The following COL6A5 variants were observed in gnomAD, a reference collection of about 807,000 sequenced individuals.
The protein encoded by COL6A5 is collagen alpha-5(VI) chain.
COL6A5 carries 48 observed loss-of-function variants against 65.6 expected under a neutral mutation model. That is an observed-to-expected ratio of 0.73 (90% confidence interval 0.58 to 0.93). The LOEUF (loss-of-function observed/expected upper bound fraction) is 0.93, where lower values mean the gene tolerates loss of function less well. COL6A5 is among the 40% of genes least tolerant of loss of function. The pLI, the probability that COL6A5 is intolerant of heterozygous loss-of-function variation, is 0.00. For synonymous variants in COL6A5, 291 were observed against 322.8 expected, an observed-to-expected ratio of 0.90 and a Z score of 1.05; for missense variants, 914 against 928.3, an observed-to-expected ratio of 0.98 and a Z score of 0.20.
chr3:130,439,394 G>T, intron 1 of COL6A5, 128 bp from the exon 34 acceptor site: 2 of 583,148 alleles, frequency 3.4e-6, no homozygotes, highest in East Asian at 3.2e-5. Flanking sequence ...TGCACTGAAT[G>T]GAGCAAAGAG....
In COL6A5 at chr3:130,367,288, G is replaced by A. The variant is rs187168644; in HGVS notation, c.-28-6323G>A. The stretch of plus-strand genomic sequence containing the variant: ...AACTTGAGAAACAGTTTCCTTCTGC[G>A]GATGTGCTGTGTAATCCAGTTGTAG... On this transcript the variant is annotated intron_variant and NMD_transcript_variant, in intron 1 of 41. Coordinates refer to the COL6A5 transcript ENST00000312481. Among the ~76,000 whole-genome samples, 15 of 152,254 alleles carry A rather than the reference G, an allele frequency of 9.9e-5. No homozygotes were observed. The East Asian group carries it at 2.9e-3, about 29-fold the overall frequency.
chr3:130,444,344 A>C (rs1203137388), intron 4 of COL6A5, among the ~76,000 whole-genome samples: 1 of 152,078 alleles, frequency 6.6e-6, no homozygotes, highest in East Asian at 1.9e-4. Context: ...AAAGACAGGC[A>C]TAGGAAATCA....
chr3:130,395,553 C>A, intron 8 of COL6A5, 88 bp downstream of exon 8: 2 of 962,552 alleles, frequency 2.1e-6, no homozygotes, highest in Non-Finnish European at 3.1e-6. Context: ...TCTAGCAGAG[C>A]ATATATTTAG....
exon 1 of COL6A5, chr3:130,431,540 A>G: frequency 6.4e-7 from 1 of 1,551,630 alleles, no homozygotes; most frequent in South Asian, 1.2e-5. Context: ...GAGAGCTTTA[A>G]TAAAACACGG....
At chr3:130,350,271 A>C (rs1392041853) in intron 1 of COL6A5, among the ~76,000 whole-genome samples, 1 of 152,192 alleles carries the variant, frequency 6.6e-6, no homozygotes, top group Non-Finnish European at 1.5e-5. Flanking sequence ...ACCCTCTCTC[A>C]CCACTCCTAT....
intron 1 of COL6A5, among the ~76,000 whole-genome samples, chr3:130,364,810 C>T (rs994745523): frequency 1.3e-5 from 2 of 152,274 alleles, no homozygotes; most frequent in East Asian, 1.9e-4. Context: ...TTGGATATCC[C>T]AGCAGGTCTG....
intron 1 of COL6A5, among the ~76,000 whole-genome samples, chr3:130,357,417 T>A (rs531995801): frequency 6.6e-6 from 1 of 152,306 alleles, no homozygotes; most frequent in African/African-American, 2.4e-5. Context: ...TCACTTAAAA[T>A]GTTTAGAACA....
chr3:130,475,116 C>A (rs190216883), intron 7 of COL6A5, among the ~76,000 whole-genome samples: 3 of 148,100 alleles, frequency 2.0e-5, no homozygotes, highest in East Asian at 2.0e-4. Context: ...GAAAAGATTG[C>A]GAAAAAGGCG....
chr3:130,457,508 A>C (rs956460482), intron 5 of COL6A5, among the ~76,000 whole-genome samples: 2 of 152,068 alleles, frequency 1.3e-5, no homozygotes, highest in Non-Finnish European at 1.5e-5. Flanking sequence ...CATTTGGCTG[A>C]AGAAATAATT....
exon 3 of COL6A5, chr3:130,376,818 G>T: frequency 1.2e-6 from 2 of 1,612,028 alleles, no homozygotes; most frequent in Non-Finnish European, 1.7e-6. Flanking sequence ...GGAGGGAGCC[G>T]TCGATGCTGA....
chr3:130,350,658 A>G (rs1934668976), intron 1 of COL6A5, among the ~76,000 whole-genome samples: 1 of 152,242 alleles, frequency 6.6e-6, no homozygotes, highest in South Asian at 2.1e-4. Flanking sequence ...ACAAAATAAA[A>G]GAGAACACAA....
intron 1 of COL6A5, among the ~76,000 whole-genome samples, chr3:130,437,747 T>G (rs1709066938): frequency 6.6e-6 from 1 of 152,232 alleles, no homozygotes; most frequent in African/African-American, 2.4e-5. Flanking sequence ...AGCTTTCACC[T>G]GGCTATTTCC....
intron 1 of COL6A5, among the ~76,000 whole-genome samples, chr3:130,435,231 TC>T (rs1471052184): frequency 1.3e-5 from 2 of 152,194 alleles, no homozygotes; most frequent in African/African-American, 4.8e-5. Flanking sequence ...GTTAGGTTTG[TC>T]GAAGATCAGA....
intron 6 of COL6A5, among the ~76,000 whole-genome samples, chr3:130,470,179 G>A (rs1345431603): frequency 2.0e-5 from 3 of 152,172 alleles, no homozygotes. Flanking sequence ...GGCTTTAAGG[G>A]TGGCTGCCCC....
At position 130,438,304 on chromosome 3, in the gene COL6A5, G is replaced by T. The variant is rs191574505; in HGVS notation, c.488-1218G>T. 5.3e-5 allele frequency among the ~76,000 whole-genome samples: 8 copies of T among 152,254 alleles called. No individual in the cohort carries two copies. The East Asian group carries it at 1.5e-3, about 29-fold the overall frequency. On this transcript the variant is annotated intron_variant, in intron 1 of 7. Transcript: ENST00000512836. ...GTCACCACGCCAGGCCAAGATAGAG[G>T]TTTTATCTGTTTCATTTATTTTCAT...
At chr3:130,406,135 G>T (rs375249824) in exon 16 of COL6A5, 501 of 1,549,692 alleles carry the variant, frequency 3.2e-4, no homozygotes, top group Non-Finnish European at 4.2e-4. Context: ...TCTCAGGGAG[G>T]TCATGGAGAC....
At chr3:130,397,996 GC>G (rs752644440) in intron 9 of COL6A5, 33 bp from the exon 10 acceptor site, 3 of 1,545,484 alleles carry the variant, frequency 1.9e-6, no homozygotes, top group South Asian at 2.4e-5. Flanking sequence ...TATATATTTA[GC>G]TTTTACACCA....
intron 1 of COL6A5, among the ~76,000 whole-genome samples, chr3:130,350,664 C>T (rs554430718): frequency 4.6e-5 from 7 of 152,108 alleles, no homozygotes; most frequent in African/African-American, 7.2e-5. Flanking sequence ...TAAAAGAGAA[C>T]ACAAACAAAT....
At chr3:130,479,074 T>C (rs1710168707) in intron 7 of COL6A5, among the ~76,000 whole-genome samples, 1 of 152,052 alleles carries the variant, frequency 6.6e-6, no homozygotes, top group Non-Finnish European at 1.5e-5. Context: ...AGTTAGTATG[T>C]TGATGTCCTA....
Sources: gnomAD v4.1 joint callset for allele counts (sites outside exome capture counted in the v4.1 genomes callset) on GRCh38, gnomAD v4.1.1 for gene constraint, MANE v1.5 for transcripts, NCBI Gene and HGNC (gene_info 2026-07-23, HGNC 2026-07-21) for gene names.